The following SDK1 variants were observed in gnomAD, a reference collection of about 807,000 sequenced individuals.
The protein encoded by SDK1 is sidekick cell adhesion molecule 1, also known as protein sidekick-1.
Under a neutral mutation model 245.5 loss-of-function variants are expected in SDK1, and 157 were observed. The observed-to-expected ratio is 0.64, with a 90% CI of 0.56 to 0.73. The LOEUF (loss-of-function observed/expected upper bound fraction) is 0.73, where lower values mean the gene tolerates loss of function less well. SDK1 is among the 30% of genes least tolerant of loss of function. The pLI is 0.00. For missense variants in SDK1, 3,583 were observed against 3,002.3 expected, an observed-to-expected ratio of 1.19 and a Z score of -4.52; for synonymous variants, 1,647 against 1,278.5, an observed-to-expected ratio of 1.29 and a Z score of -6.15.
At chr7:3,395,334 C>T (rs1781866809) in intron 1 of SDK1, among the ~76,000 whole-genome samples, 1 of 151,730 alleles carries the variant, frequency 6.6e-6, no homozygotes, top group Non-Finnish European at 1.5e-5. Flanking sequence ...GATGGCTTAT[C>T]ATCTTTTTTT....
intron 4 of SDK1, among the ~76,000 whole-genome samples, chr7:3,781,849 A>G (rs1780754183): frequency 6.6e-6 from 1 of 152,202 alleles, no homozygotes; most frequent in Non-Finnish European, 1.5e-5. Context: ...AAGACAGAAC[A>G]TTTGAAATAA....
At chr7:3,501,047 C>G (rs560392868) in intron 1 of SDK1, among the ~76,000 whole-genome samples, 1 of 152,058 alleles carries the variant, frequency 6.6e-6, no homozygotes, top group African/African-American at 2.4e-5. Flanking sequence ...TCTAACTTCT[C>G]TGTTAAAGGC....
At chr7:3,683,823 G>A (rs191867064) in intron 4 of SDK1, among the ~76,000 whole-genome samples, 112 of 152,282 alleles carry the variant, frequency 7.4e-4, no homozygotes, top group Non-Finnish European at 1.5e-3. Context: ...TCTGGAACTA[G>A]CAATGGACAC....
At chr7:4,132,569 T>A (rs1480300140) in intron 28 of SDK1, 146 bp downstream of exon 28, 12 of 596,032 alleles carry the variant, frequency 2.0e-5, no homozygotes, top group Admixed American at 2.4e-5. Flanking sequence ...AAAGAAAAAA[T>A]TCAGACTATT....
intron 5 of SDK1, among the ~76,000 whole-genome samples, chr7:3,825,694 G>A (rs114453277): frequency 6.6e-6 from 1 of 152,166 alleles, no homozygotes; most frequent in African/African-American, 2.4e-5. Context: ...CGTAGGGTTA[G>A]TAGTTGAAAG....
At chr7:3,605,168 G>C (rs1347592347) in intron 1 of SDK1, among the ~76,000 whole-genome samples, 1 of 73,656 alleles carries the variant, frequency 1.4e-5, no homozygotes, top group Non-Finnish European at 2.5e-5. Context: ...ACACACACTA[G>C]GTGTGATGTC....
intron 5 of SDK1, among the ~76,000 whole-genome samples, chr7:3,941,417 C>T (rs141615914): frequency 2.4e-3 from 362 of 152,182 alleles, no homozygotes; most frequent in African/African-American, 8.4e-3. Context: ...CTGAGTGTGG[C>T]GCTCCTGCCT....
chr7:3,741,775 A>G (rs1779481460), intron 4 of SDK1, among the ~76,000 whole-genome samples: 1 of 152,120 alleles, frequency 6.6e-6, no homozygotes, highest in Non-Finnish European at 1.5e-5. Flanking sequence ...CAAACCAAAG[A>G]ACAAGTAGTA....
intron 1 of SDK1, among the ~76,000 whole-genome samples, chr7:3,377,250 C>T (rs1460943414): frequency 6.6e-6 from 1 of 152,128 alleles, no homozygotes; most frequent in Non-Finnish European, 1.5e-5. Flanking sequence ...CATCTTGCTC[C>T]TTCCCTCCCA....
At chr7:4,081,186 G>A (rs1781033658) in intron 22 of SDK1, among the ~76,000 whole-genome samples, 1 of 152,204 alleles carries the variant, frequency 6.6e-6, no homozygotes, top group Non-Finnish European at 1.5e-5. Context: ...CGTCTTCAGG[G>A]CTCAACATAC....
chr7:3,472,559 G>C lies in SDK1; in HGVS notation c.299-146521G>C, dbSNP rs553274456. ...GTATCTTAATAGAATAATTATAACT[G>C]ATAATAGCTGGTTCTACATTTAGGT... On this transcript the variant is annotated intron_variant, in intron 1 of 44. Transcript: ENST00000404826. Among the ~76,000 whole-genome samples, 3 of 152,272 alleles carry C rather than the reference G, an allele frequency of 2.0e-5. No individual in the cohort carries two copies. In the East Asian group the frequency reaches 5.8e-4, roughly 29 times the overall value.
At chr7:3,412,752 C>G (rs759529796) in intron 1 of SDK1, among the ~76,000 whole-genome samples, 1 of 152,210 alleles carries the variant, frequency 6.6e-6, no homozygotes, top group East Asian at 1.9e-4. Context: ...CTCTTCTATG[C>G]TGCCTGCTAT....
chr7:3,897,123 A>C (rs562468646), intron 5 of SDK1, among the ~76,000 whole-genome samples: 1 of 152,350 alleles, frequency 6.6e-6, no homozygotes, highest in Non-Finnish European at 1.5e-5. Flanking sequence ...ACCTCCCACT[A>C]GGCCACTGCC....
chr7:3,865,909 C>A (rs981093334), intron 5 of SDK1, among the ~76,000 whole-genome samples: 1 of 152,074 alleles, frequency 6.6e-6, no homozygotes, highest in Non-Finnish European at 1.5e-5. Flanking sequence ...GGAAAAGAAG[C>A]CCTCGTAGTC....
At position 4,186,479 on chromosome 7, in the gene SDK1, C is replaced by T. The variant is rs189252983; in HGVS notation, c.5098+7893C>T. Among the ~76,000 whole-genome samples, 8 of 152,332 alleles carry T rather than the reference C, an allele frequency of 5.3e-5. No individual in the cohort carries two copies. The East Asian group carries it at 9.6e-4, about 18-fold the overall frequency. The stretch of plus-strand genomic sequence containing the variant: ...AGAGGTGCTGTGTCCCCACATAGGC[C>T]GCCTCCTTGGAGCCTGTGGCCTCGT... On this transcript the variant is annotated intron_variant, in intron 35 of 44. Coordinates refer to ENST00000404826, the MANE Select transcript of SDK1 (RefSeq NM_152744.4).
Position 3,899,261 on chromosome 7 carries a change from G to A in SDK1, c.848-51662G>A, listed in dbSNP as rs74917581. Among the ~76,000 whole-genome samples the A allele has an allele frequency of 5.7e-3, 866 of 152,162 alleles. 9 individuals are homozygous for A. The highest frequency in any genetic ancestry group is 0.019 in the African/African-American group (790 of 41,500). ...CTCAGTCTCCCTACAGAAATATTGC[G>A]CTTTAACACTTCCACTTTTTCCATG... On this transcript the variant is annotated intron_variant, in intron 5 of 44. Transcript: ENST00000404826.
chr7:3,981,953 C>T (rs548416146), intron 13 of SDK1, among the ~76,000 whole-genome samples: 1 of 152,226 alleles, frequency 6.6e-6, no homozygotes, highest in African/African-American at 2.4e-5. Flanking sequence ...GCAGTGTAGA[C>T]GAAACAGCCT....
At position 4,204,575 on chromosome 7, in the gene SDK1, C is replaced by G. The variant is rs1784085535; in HGVS notation, c.5099-1304C>G. Among the ~76,000 whole-genome samples, 3 of 152,164 alleles carry G rather than the reference C, an allele frequency of 2.0e-5. No homozygotes were observed. The South Asian group carries it at 6.2e-4, about 32-fold the overall frequency. On this transcript the variant is annotated intron_variant, in intron 35 of 44. Coordinates refer to ENST00000404826, the MANE Select transcript of SDK1 (RefSeq NM_152744.4). The stretch of plus-strand genomic sequence containing the variant: ...GGCGAGTCCTGAGGTCAGTCTCTCC[C>G]AAGAAGGCCTCTCCAGAGAGCCGGG...
chr7:3,377,284 A>G (rs1311031677), intron 1 of SDK1, among the ~76,000 whole-genome samples: 1 of 152,092 alleles, frequency 6.6e-6, no homozygotes, highest in Non-Finnish European at 1.5e-5. Flanking sequence ...TCAAGTCCTG[A>G]TGGTCCTCAG....
Sources: allele counts gnomAD v4.1 joint callset (sites outside exome capture counted in the v4.1 genomes callset), GRCh38; gene constraint gnomAD v4.1.1; transcripts MANE v1.5; gene names NCBI Gene and HGNC (gene_info 2026-07-23, HGNC 2026-07-21).